The following RCAN1 variants were observed in gnomAD, a reference collection of about 807,000 sequenced individuals.
The protein encoded by RCAN1 is regulator of calcineurin 1.
In RCAN1, 11 loss-of-function variants were observed where a neutral mutation model predicts 22.9. The ratio of observed to expected loss-of-function variants is 0.48; its 90% CI spans 0.30 to 0.79. The LOEUF (loss-of-function observed/expected upper bound fraction) is 0.79, where lower values mean the gene tolerates loss of function less well. Ranked by LOEUF, RCAN1 falls within the 30% of genes least tolerant of loss-of-function variation. The probability of loss-of-function intolerance (pLI) is 0.06; values close to 1 mark genes in which losing one functional copy is unlikely to be tolerated. For missense variants in RCAN1, 291 were observed against 337.8 expected (o/e 0.86, Z 1.09); for synonymous variants, 136 against 142.3 (o/e 0.96, Z 0.32).
intron 1 of RCAN1, chr21:34,613,859 G>C: frequency 6.9e-7 from 1 of 1,442,642 alleles, no homozygotes; most frequent in Non-Finnish European, 9.3e-7. Flanking sequence ...CAGCATTTGT[G>C]GACCCACAGC....
At chr21:34,560,955 T>A (rs1051101906) in intron 1 of RCAN1, among the ~76,000 whole-genome samples, 1 of 152,178 alleles carries the variant, frequency 6.6e-6, no homozygotes, top group African/African-American at 2.4e-5. Flanking sequence ...AATCCCCACA[T>A]GTCAAGGGTG....
chr21:34,545,702 C>A (rs1329147774), intron 1 of RCAN1, among the ~76,000 whole-genome samples: 1 of 152,188 alleles, frequency 6.6e-6, no homozygotes, highest in African/African-American at 2.4e-5. Context: ...TTTAGCCTCC[C>A]TGCTGGTCAG....
At chr21:34,519,255 G>A (rs1984289287) in intron 3 of RCAN1, among the ~76,000 whole-genome samples, 1 of 152,204 alleles carries the variant, frequency 6.6e-6, no homozygotes, top group Non-Finnish European at 1.5e-5. Context: ...TTGGTGCCCT[G>A]CTGGGCAGGG....
intron 1 of RCAN1, among the ~76,000 whole-genome samples, chr21:34,566,309 G>A (rs1392951681): frequency 3.9e-5 from 6 of 152,202 alleles, no homozygotes; most frequent in Admixed American, 1.3e-4. Context: ...TAGGGTCTGT[G>A]GCAGGTTACC....
intron 1 of RCAN1, among the ~76,000 whole-genome samples, chr21:34,551,858 A>C (rs1167075431): frequency 6.6e-6 from 1 of 152,170 alleles, no homozygotes; most frequent in East Asian, 1.9e-4. Context: ...GACTTAGATG[A>C]CCAACAGTTC....
chr21:34,608,213 C>G (rs1292088150), intron 1 of RCAN1, among the ~76,000 whole-genome samples: 1 of 152,128 alleles, frequency 6.6e-6, no homozygotes, highest in Non-Finnish European at 1.5e-5. Flanking sequence ...CTCCCTGCCC[C>G]CTGGTCTGTA....
chr21:34,530,970 C>A (rs549302681), intron 1 of RCAN1, among the ~76,000 whole-genome samples: 35 of 152,304 alleles, frequency 2.3e-4, no homozygotes, highest in African/African-American at 6.7e-4. Flanking sequence ...TAAGTTACTA[C>A]ACAAAAACAA....
chr21:34,561,471 T>A (rs1986787027), intron 1 of RCAN1, among the ~76,000 whole-genome samples: 1 of 152,208 alleles, frequency 6.6e-6, no homozygotes, highest in Non-Finnish European at 1.5e-5. Context: ...GTGATTCACC[T>A]ACAATATCCA....
intron 1 of RCAN1, among the ~76,000 whole-genome samples, chr21:34,568,881 C>T (rs546175907): frequency 6.6e-6 from 1 of 152,326 alleles, no homozygotes; most frequent in Admixed American, 6.5e-5. Flanking sequence ...TTTAATTGGA[C>T]TTACAGTTCC....
intron 1 of RCAN1, among the ~76,000 whole-genome samples, chr21:34,524,856 A>G (rs1432357610): frequency 1.3e-5 from 2 of 151,618 alleles, no homozygotes; most frequent in African/African-American, 2.4e-5. Flanking sequence ...CGGTGGGGGC[A>G]GCTGGGGGCC....
intron 1 of RCAN1, among the ~76,000 whole-genome samples, chr21:34,573,560 T>C (rs1232557745): frequency 6.6e-6 from 1 of 152,216 alleles, no homozygotes; most frequent in African/African-American, 2.4e-5. Flanking sequence ...TTTTCCTCTG[T>C]ACATGTTTCA....
intron 1 of RCAN1, among the ~76,000 whole-genome samples, chr21:34,565,807 T>C (rs1342545974): frequency 6.6e-6 from 1 of 152,210 alleles, no homozygotes; most frequent in Non-Finnish European, 1.5e-5. Context: ...CACAAAGAGC[T>C]GGTATACCTT....
At chr21:34,587,243 C>T (rs1489080957) in intron 1 of RCAN1, among the ~76,000 whole-genome samples, 1 of 151,984 alleles carries the variant, frequency 6.6e-6, no homozygotes, top group African/African-American at 2.4e-5. Context: ...ACAAAAATGA[C>T]AGAAGAGAAA....
intron 1 of RCAN1, chr21:34,613,869 C>A: frequency 7.1e-7 from 1 of 1,417,970 alleles, no homozygotes; most frequent in Non-Finnish European, 9.4e-7. Flanking sequence ...GGACCCACAG[C>A]CAAGCGCTGA....
intron 3 of RCAN1, among the ~76,000 whole-genome samples, chr21:34,519,592 T>C (rs1032309843): frequency 2.6e-5 from 4 of 151,902 alleles, no homozygotes; most frequent in African/African-American, 9.7e-5. Flanking sequence ...AGAGACGAGG[T>C]TTCACCATGT....
At chr21:34,607,096 C>T (rs561525276) in intron 1 of RCAN1, among the ~76,000 whole-genome samples, 39 of 152,276 alleles carry the variant, frequency 2.6e-4, no homozygotes, top group Middle Eastern at 6.8e-3. Flanking sequence ...GAATTTCATG[C>T]GGCACCTGCT....
At position 34,565,645 on chromosome 21, in the gene RCAN1, T is replaced by C. The variant is rs149246582; in HGVS notation, c.253-41935A>G. ...AAACTGTTCAACAGATGGGAAAACA[T>C]GGCCTACACAAGAAATGGTGCCACT... is the stretch of plus-strand genomic sequence containing the variant. On this transcript the variant is annotated intron_variant, in intron 1 of 3. Transcript: ENST00000313806. Among the ~76,000 whole-genome samples, 544 of 152,324 alleles carry C rather than the reference T, an allele frequency of 3.6e-3. 4 individuals carry two copies. Among genetic ancestry groups the C allele is most frequent in the African/African-American group, 0.012 (505 of 41,570 alleles).
intron 1 of RCAN1, among the ~76,000 whole-genome samples, chr21:34,588,215 A>G (rs1313386162): frequency 6.6e-6 from 1 of 152,194 alleles, no homozygotes; most frequent in Non-Finnish European, 1.5e-5. Context: ...GATGAAAAAC[A>G]TGCTTCCACT....
intron 1 of RCAN1, among the ~76,000 whole-genome samples, chr21:34,597,742 AATC>A (rs1568929506): frequency 6.6e-6 from 1 of 152,220 alleles, no homozygotes; most frequent in African/African-American, 2.4e-5. Context: ...AAGATGGAAA[AATC>A]ATCATTATTT....
Sources: allele counts gnomAD v4.1 joint callset (sites outside exome capture counted in the v4.1 genomes callset), GRCh38; gene constraint gnomAD v4.1.1; transcripts MANE v1.5; gene names NCBI Gene and HGNC (gene_info 2026-07-23, HGNC 2026-07-21).